BPHL: variants seen among roughly 807,000 people sequenced by gnomAD.
BPHL encodes biphenyl hydrolase like.
Under a neutral mutation model 31.2 loss-of-function variants are expected in BPHL, and 27 were observed. The ratio of observed to expected loss-of-function variants is 0.87; its 90% CI spans 0.64 to 1.19. The LOEUF (loss-of-function observed/expected upper bound fraction) is 1.19. Ranked by LOEUF, BPHL falls within the 50% of genes most tolerant of loss-of-function variation. BPHL has a pLI of 0.00. For synonymous variants in BPHL, 150 were observed against 146.8 expected (o/e 1.02, Z -0.16); for missense variants, 356 against 375.7 (o/e 0.95, Z 0.43).
At chr6:3,119,508 T>G in intron 1 of BPHL, 4 of 1,614,026 alleles carry the variant, frequency 2.5e-6, no homozygotes, top group Non-Finnish European at 3.4e-6. Context: ...GTCCCCCCAT[T>G]TCAGGTAAAA....
At chr6:3,151,753 G>T (rs1382621749) in intron 6 of BPHL, among the ~76,000 whole-genome samples, 4 of 152,202 alleles carry the variant, frequency 2.6e-5, no homozygotes, top group Non-Finnish European at 5.9e-5. Context: ...CAAAGAGAAG[G>T]CTGCATTTGT....
intron 6 of BPHL, among the ~76,000 whole-genome samples, chr6:3,142,642 T>G (rs1354378463): frequency 6.6e-6 from 1 of 152,050 alleles, no homozygotes; most frequent in Non-Finnish European, 1.5e-5. Flanking sequence ...AGCTAGTAAA[T>G]AATTAATCTT....
At chr6:3,136,095 C>A (rs895628986) in intron 4 of BPHL, among the ~76,000 whole-genome samples, 13 of 152,260 alleles carry the variant, frequency 8.5e-5, no homozygotes, top group African/African-American at 2.9e-4. Context: ...CCATTAACCA[C>A]TGCAACTTCA....
rs763194252 is a variant in BPHL, at chr6:3,127,270, G to A, written c.240G>A (p.Gln80=). The A allele has an allele frequency of 9.5e-6, 15 of 1,579,878 alleles. No individual in the cohort carries two copies. The East Asian group carries it at 2.9e-4, about 31-fold the overall frequency. The stretch of plus-strand genomic sequence containing the variant: ...GTGGAGAGACTGATTTTGGACCTCA[G>A]CTCAAGAACCTCAATAAGAAGCTCT... ...LGSGETDFGP[Q]LKNLNKKLFT... The change falls in exon 3 of 7, where the codon CAG becomes CAA. Residue 80 remains glutamine, a synonymous_variant. Transcript: ENST00000380379.
intron 4 of BPHL, among the ~76,000 whole-genome samples, chr6:3,131,577 A>G (rs1003174791): frequency 1.3e-5 from 2 of 152,168 alleles, no homozygotes; most frequent in South Asian, 4.1e-4. Context: ...GCAAAAATCT[A>G]ATCACTTAAT....
Position 3,129,331 on chromosome 6 carries a change from TA to T in BPHL, c.532+135del, listed in dbSNP as rs549320543. The stretch of plus-strand genomic sequence containing the variant: ...GTTCTCAACTCTCAGGTAGGAAGAA[TA>T]ACGAGTTCTCAGAAAAGTAATGCAG... On this transcript the variant is annotated intron_variant, in intron 4 of 6. Coordinates refer to ENST00000380379, the MANE Select transcript of BPHL (RefSeq NM_004332.4). The T allele has an allele frequency of 1.0e-3, 1,260 of 1,219,906 alleles. 4 individuals are homozygous for T. Among genetic ancestry groups the T allele is most frequent in the Middle Eastern group, 5.2e-3 (18 of 3,452 alleles). 75.6% of individuals were successfully genotyped at this position (1,219,906 alleles called of 1,614,324 possible). A position where few individuals can be genotyped will look rare whatever the true frequency, so the allele number is the denominator to read the frequency against.
At chr6:3,137,989 A>G in intron 5 of BPHL, 6 of 1,280,412 alleles carry the variant, frequency 4.7e-6, no homozygotes, top group Non-Finnish European at 5.1e-6. Context: ...ACTAAGTGAT[A>G]TGACTGTAAC....
Position 3,118,725 on chromosome 6 carries a change from T to G in BPHL, c.-16T>G, listed in dbSNP as rs916420927. 3.2e-6 allele frequency: 4 copies of G among 1,257,762 alleles called. No individual in the cohort carries two copies. The African/African-American group carries it at 4.6e-5, about 15-fold the overall frequency. The allele number at this position is 1,257,762 out of a possible 1,614,324, so 77.9% of individuals were successfully genotyped here. On this transcript the variant is annotated 5_prime_UTR_variant, in exon 1 of 7. Transcript: ENST00000380379. ...TTAGCGCATGCGCACTCCCGGCAGCTACGCGACCTGTGACCATGGTGGCTG... is the reference window on the plus strand; with the variant it reads ...TTAGCGCATGCGCACTCCCGGCAGCGACGCGACCTGTGACCATGGTGGCTG...
At chr6:3,145,685 G>GT (rs2113774442) in intron 6 of BPHL, among the ~76,000 whole-genome samples, 1 of 65,980 alleles carries the variant, frequency 1.5e-5, no homozygotes. Flanking sequence ...GCTGGTTTGG[G>GT]TCGAGTGCTG....
At chr6:3,121,291 CTTTTTTTTTTTTTTTTTT>C (rs67332286) in intron 1 of BPHL, among the ~76,000 whole-genome samples, 1 of 80,380 alleles carries the variant, frequency 1.2e-5, no homozygotes, top group Admixed American at 1.4e-4. Flanking sequence ...ATAGCAGTTT[CTTTTTTTTTTTTTTTTTT>C]TTTTTTTTTG....
At chr6:3,141,392 G>A (rs756939874) in intron 6 of BPHL, among the ~76,000 whole-genome samples, 1 of 152,108 alleles carries the variant, frequency 6.6e-6, no homozygotes, top group Non-Finnish European at 1.5e-5. Context: ...TTTGGAGTCG[G>A]AGTCTCGCAC....
intron 6 of BPHL, among the ~76,000 whole-genome samples, chr6:3,146,443 TTTGGGTC>T: frequency 7.4e-6 from 1 of 135,378 alleles, no homozygotes; most frequent in Non-Finnish European, 1.5e-5. Context: ...GGAGTGCTGG[TTTGGGTC>T]GGAGTGCTGG....
chr6:3,133,234 T>C (rs1761921038), intron 4 of BPHL, among the ~76,000 whole-genome samples: 1 of 127,804 alleles, frequency 7.8e-6, no homozygotes, highest in African/African-American at 4.4e-5. Flanking sequence ...CTCACTGCAC[T>C]CTTCTCTTCT....
Position 3,153,409 on chromosome 6 carries a change from T to G in BPHL, c.*834T>G. 4.3e-6 allele frequency: 1 copy of G among 231,698 alleles called. No homozygotes were observed. The highest frequency in any genetic ancestry group is 8.5e-6 in the Non-Finnish European group (1 of 117,896). 14.4% of individuals were successfully genotyped at this position (231,698 alleles called of 1,614,324 possible). A position where few individuals can be genotyped will look rare whatever the true frequency, so the allele number is the denominator to read the frequency against. ...AGGGGCAGGTTTGCTTTACCCCATA[T>G]CCCTCTCCTGGTTCACTTTTGAGAG... On this transcript the variant is annotated 3_prime_UTR_variant, in exon 7 of 7. Coordinates refer to ENST00000380379, the MANE Select transcript of BPHL (RefSeq NM_004332.4).
intron 2 of BPHL, 138 bp from the exon 3 acceptor site, chr6:3,127,104 G>A (rs1229737559): frequency 1.9e-6 from 1 of 539,914 alleles, no homozygotes; most frequent in Non-Finnish European, 3.1e-6. Flanking sequence ...GTCATTGCAA[G>A]GCTGCTTTCC....
chr6:3,142,451 CT>C (rs1158012117), intron 6 of BPHL, among the ~76,000 whole-genome samples: 2 of 152,090 alleles, frequency 1.3e-5, no homozygotes, highest in Non-Finnish European at 2.9e-5. Flanking sequence ...AGTTTTTGTG[CT>C]TTTGATTGTA....
chr6:3,131,619 C>G (rs1761871274), intron 4 of BPHL, among the ~76,000 whole-genome samples: 2 of 152,164 alleles, frequency 1.3e-5, no homozygotes, highest in African/African-American at 4.8e-5. Flanking sequence ...CTTCACTAAC[C>G]AGCAAAGTCC....
In BPHL at chr6:3,140,572, T is replaced by C; in HGVS notation, c.788+63T>C. The C allele has an allele frequency of 6.2e-7, 1 of 1,600,362 alleles. No individual in the cohort carries two copies. Among genetic ancestry groups the C allele is most frequent in the Non-Finnish European group, 8.5e-7 (1 of 1,175,412 alleles). Reference sequence around the variant, plus strand: ...CCTCGGAGTCAATGGGCAAAGCTACTGGAAGGAAAATAACCAAGAGGAGTT... The same window carrying C: ...CCTCGGAGTCAATGGGCAAAGCTACCGGAAGGAAAATAACCAAGAGGAGTT... On this transcript the variant is annotated intron_variant, in intron 6 of 6. Coordinates refer to ENST00000380379, the MANE Select transcript of BPHL (RefSeq NM_004332.4). The surrounding 1 kb of genome is among the most constrained non-coding windows in gnomAD (Gnocchi z 5.2).
rs1216800132 is a variant in BPHL at position 3,142,705 on chromosome 6, C to T, written c.788+2196C>T. On this transcript the variant is annotated intron_variant, in intron 6 of 6. Transcript: ENST00000380379. ...CCACCATAGCACAGCTGCCACTTAT[C>T]TCTTAATATGTATGATGGTAACATG... is the stretch of plus-strand genomic sequence containing the variant. 2.0e-5 allele frequency among the ~76,000 whole-genome samples: 3 copies of T among 152,148 alleles called. No individual in the cohort carries two copies. In the East Asian group the frequency reaches 5.8e-4, roughly 29 times the overall value.
Sources: gnomAD v4.1 joint callset for allele counts (sites outside exome capture counted in the v4.1 genomes callset) on GRCh38, gnomAD v4.1.1 for gene constraint, Gnocchi (gnomAD v3.1) non-coding constraint, MANE v1.5 for transcripts, NCBI Gene and HGNC (gene_info 2026-07-23, HGNC 2026-07-21) for gene names.